RANBP2: variants seen among roughly 807,000 people sequenced by gnomAD.
RANBP2 encodes RAN binding protein 2, also known as E3 SUMO-protein ligase RanBP2.
RANBP2 carries 57 observed loss-of-function variants against 303.6 expected under a neutral mutation model. That is an observed-to-expected ratio of 0.19 (90% CI 0.15 to 0.23). The LOEUF (loss-of-function observed/expected upper bound fraction) is 0.23. Among genes scored for constraint, RANBP2 ranks in the 10% least tolerant of loss-of-function variants. RANBP2 has a pLI of 1.00. For missense variants in RANBP2, 3,138 were observed against 3,780.8 expected, an observed-to-expected ratio of 0.83 and a Z score of 4.46; for synonymous variants, 1,167 against 1,301.5, an observed-to-expected ratio of 0.90 and a Z score of 2.23.
chr2:109,101,311 G>A, the RANBP2 span, among the ~76,000 whole-genome samples: 22 of 152,138 alleles, frequency 1.4e-4, no homozygotes, highest in Non-Finnish European at 4.4e-5. Context: ...CAGATCACGA[G>A]GTAAGGAGAT....
the RANBP2 span, among the ~76,000 whole-genome samples, chr2:109,163,010 G>A: frequency 3.3e-5 from 5 of 152,186 alleles, no homozygotes; most frequent in Non-Finnish European, 5.9e-5. Flanking sequence ...TTGATTTGGA[G>A]GGAAAAGTCC....
chr2:109,376,444 A>G, the RANBP2 span, among the ~76,000 whole-genome samples: 5 of 152,324 alleles, frequency 3.3e-5, no homozygotes, highest in East Asian at 5.8e-4. Flanking sequence ...GGTGGCTTGC[A>G]TGGAGACTTA....
At chr2:108,914,207 C>G in the RANBP2 span, among the ~76,000 whole-genome samples, 1 of 151,724 alleles carries the variant, frequency 6.6e-6, no homozygotes, top group African/African-American at 2.4e-5. Flanking sequence ...TTGCAGTGAG[C>G]CGAGATCACA....
chr2:109,449,023 G>A, the RANBP2 span: 1 of 922,512 alleles, frequency 1.1e-6, no homozygotes, highest in Non-Finnish European at 1.6e-6. Context: ...CTCCATCTGT[G>A]AAGAGGCCAG....
chr2:109,123,055 A>G, the RANBP2 span, among the ~76,000 whole-genome samples: 1 of 152,220 alleles, frequency 6.6e-6, no homozygotes, highest in African/African-American at 2.4e-5. Flanking sequence ...TGGACGATGT[A>G]GCCCACAGTT....
At chr2:109,299,462 A>T in the RANBP2 span, among the ~76,000 whole-genome samples, 1 of 151,850 alleles carries the variant, frequency 6.6e-6, no homozygotes, top group Non-Finnish European at 1.5e-5. Flanking sequence ...TCTGCCAGCC[A>T]CCAGGGCCTT....
chr2:108,904,979 G>A, the RANBP2 span, among the ~76,000 whole-genome samples: 1 of 152,098 alleles, frequency 6.6e-6, no homozygotes, highest in Non-Finnish European at 1.5e-5. Context: ...GGGCATGTAG[G>A]ATCTCTCTGT....
the RANBP2 span, among the ~76,000 whole-genome samples, chr2:108,945,769 A>C: frequency 1.3e-5 from 2 of 152,226 alleles, no homozygotes; most frequent in Non-Finnish European, 2.9e-5. Flanking sequence ...GTATGCATGA[A>C]CCTTGAGGAC....
At chr2:109,015,104 G>A in the RANBP2 span, among the ~76,000 whole-genome samples, 8 of 122,382 alleles carry the variant, frequency 6.5e-5, no homozygotes, top group East Asian at 8.4e-4. Context: ...TGGCGACAGA[G>A]CGAGACTCCA....
At chr2:108,726,274 T>C (rs1463983771) in intron 1 of RANBP2, among the ~76,000 whole-genome samples, 2 of 152,192 alleles carry the variant, frequency 1.3e-5, no homozygotes, top group South Asian at 2.1e-4. Flanking sequence ...ATACTAGTCA[T>C]CTCAGTTATC....
the RANBP2 span, chr2:109,667,083 A>G: frequency 1.3e-6 from 1 of 798,842 alleles, no homozygotes; most frequent in East Asian, 2.9e-5. Context: ...TCAAATACAC[A>G]TAGATCATAA....
chr2:109,662,252 T>C, the RANBP2 span, among the ~76,000 whole-genome samples: 2 of 152,156 alleles, frequency 1.3e-5, no homozygotes, highest in African/African-American at 4.8e-5. Context: ...GTCTGAAAGA[T>C]CTTCCCACCT....
chr2:108,823,008 T>G, the RANBP2 span, among the ~76,000 whole-genome samples: 6 of 152,302 alleles, frequency 3.9e-5, no homozygotes, highest in African/African-American at 1.4e-4. Flanking sequence ...TATAAGACAA[T>G]GTTATCAACA....
At chr2:108,798,404 T>C in the RANBP2 span, 26 of 1,598,006 alleles carry the variant, frequency 1.6e-5, no homozygotes, top group Non-Finnish European at 2.1e-5. Context: ...TTCAAGAGCA[T>C]TAAAGTCTGG....
At chr2:109,483,060 C>G in the RANBP2 span, among the ~76,000 whole-genome samples, 1 of 152,114 alleles carries the variant, frequency 6.6e-6, no homozygotes, top group East Asian at 1.9e-4. Flanking sequence ...CCTCTGCCCT[C>G]TCTAAAAATG....
At chr2:108,814,334 A>G in the RANBP2 span, among the ~76,000 whole-genome samples, 2 of 152,138 alleles carry the variant, frequency 1.3e-5, no homozygotes, top group Non-Finnish European at 2.9e-5. Flanking sequence ...GTATCTTATT[A>G]TGGGCTTTGA....
At chr2:109,313,267 C>T in the RANBP2 span, among the ~76,000 whole-genome samples, 1 of 152,296 alleles carries the variant, frequency 6.6e-6, no homozygotes, top group African/African-American at 2.4e-5. Context: ...TTCACAAGGC[C>T]CAGGCCTTAC....
intron 25 of RANBP2, among the ~76,000 whole-genome samples, chr2:108,778,990 A>G (rs959895535): frequency 1.3e-5 from 2 of 152,174 alleles, no homozygotes; most frequent in African/African-American, 4.8e-5. Flanking sequence ...TTGGCCTTGC[A>G]CAGTGCTGGG....
chr2:109,694,318 A>G, the RANBP2 span, among the ~76,000 whole-genome samples: 2 of 151,996 alleles, frequency 1.3e-5, no homozygotes, highest in Admixed American at 6.6e-5. Context: ...GCCTTCTGCC[A>G]TGACTGGAAG....
Sources: allele counts gnomAD v4.1 joint callset (sites outside exome capture counted in the v4.1 genomes callset), GRCh38; gene constraint gnomAD v4.1.1; transcripts MANE v1.5; gene names NCBI Gene and HGNC (gene_info 2026-07-23, HGNC 2026-07-21).